THSD7A: variants seen among roughly 807,000 people sequenced by gnomAD.
The protein encoded by THSD7A is thrombospondin type-1 domain-containing protein 7A.
THSD7A carries 96 observed loss-of-function variants against 231.3 expected under a neutral mutation model. The observed-to-expected ratio is 0.41, with a 90% CI of 0.35 to 0.49. THSD7A has a LOEUF of 0.49. Among genes scored for constraint, THSD7A ranks in the 20% least tolerant of loss-of-function variants. The probability of loss-of-function intolerance (pLI) is 0.05; values close to 1 mark genes in which losing one functional copy is unlikely to be tolerated. For synonymous variants in THSD7A, 940 were observed against 743.3 expected, an observed-to-expected ratio of 1.26 and a Z score of -4.30; for missense variants, 2,290 against 2,070.2, an observed-to-expected ratio of 1.11 and a Z score of -2.06.
chr7:11,389,603 G>A (rs559630363), intron 23 of THSD7A, among the ~76,000 whole-genome samples: 4 of 151,622 alleles, frequency 2.6e-5, no homozygotes, highest in Non-Finnish European at 2.9e-5. Context: ...TTTAACTGGG[G>A]GCATTTAGCC....
At chr7:11,757,590 T>C (rs1320734049) in intron 1 of THSD7A, among the ~76,000 whole-genome samples, 4 of 152,042 alleles carry the variant, frequency 2.6e-5, no homozygotes, top group Non-Finnish European at 4.4e-5. Context: ...CTAACTCATA[T>C]TTAATCCTCT....
chr7:11,727,196 T>C (rs1213713445), intron 1 of THSD7A, among the ~76,000 whole-genome samples: 1 of 152,002 alleles, frequency 6.6e-6, no homozygotes, highest in Non-Finnish European at 1.5e-5. Context: ...TATTTGCAAA[T>C]GTTGGGCCTT....
intron 4 of THSD7A, among the ~76,000 whole-genome samples, chr7:11,587,892 A>G (rs73290834): frequency 0.01 from 1,560 of 152,264 alleles, 24 homozygotes; most frequent in African/African-American, 0.036. Context: ...TTTTTGAGTT[A>G]AAGTATTTTG....
At chr7:11,426,236 T>C (rs1457180507) in intron 15 of THSD7A, among the ~76,000 whole-genome samples, 3 of 152,192 alleles carry the variant, frequency 2.0e-5, no homozygotes, top group Non-Finnish European at 4.4e-5. Context: ...ATGCTCTTCT[T>C]CTTAATCCTT....
chr7:11,643,622 C>CAA lies in THSD7A; in HGVS notation c.191-6662_191-6661insTT, dbSNP rs796323788. Among the ~76,000 whole-genome samples, 589 of 151,488 alleles carry CAA rather than the reference C, an allele frequency of 3.9e-3. 3 individuals carry two copies. Among genetic ancestry groups the CAA allele is most frequent in the African/African-American group, 0.013 (549 of 41,264 alleles). On this transcript the variant is annotated intron_variant, in intron 1 of 27. Transcript: ENST00000423059. ...ACGCGCGCACACACACACACACACA[C>CAA]AGATTGAACCTTCTATACTGTTATT...
intron 1 of THSD7A, among the ~76,000 whole-genome samples, chr7:11,686,370 A>G (rs1288328491): frequency 6.6e-6 from 1 of 151,928 alleles, no homozygotes; most frequent in Non-Finnish European, 1.5e-5. Flanking sequence ...AAATTTTAAC[A>G]TAAAATAATG....
At chr7:11,654,908 T>C (rs551410409) in intron 1 of THSD7A, among the ~76,000 whole-genome samples, 2 of 152,054 alleles carry the variant, frequency 1.3e-5, no homozygotes, top group East Asian at 1.9e-4. Flanking sequence ...AGGCAAATGT[T>C]CGATAAGGAA....
chr7:11,695,110 G>A (rs1045715365), intron 1 of THSD7A, among the ~76,000 whole-genome samples: 1 of 151,472 alleles, frequency 6.6e-6, no homozygotes, highest in African/African-American at 2.4e-5. Flanking sequence ...GGTAACATTT[G>A]AATGAAATGA....
chr7:11,443,981 T>C (rs1359988366), intron 13 of THSD7A, among the ~76,000 whole-genome samples: 4 of 151,986 alleles, frequency 2.6e-5, no homozygotes, highest in Non-Finnish European at 5.9e-5. Context: ...CATCCAAAAG[T>C]GGGCAAAGGA....
intron 1 of THSD7A, among the ~76,000 whole-genome samples, chr7:11,695,743 C>G (rs1780373444): frequency 6.6e-6 from 1 of 151,488 alleles, no homozygotes; most frequent in East Asian, 2.0e-4. Context: ...TAGGTGGAAA[C>G]AGATTCTGAA....
Position 11,407,312 on chromosome 7 carries a change from G to C in THSD7A, c.3910C>G (p.Leu1304Val). 6.2e-7 allele frequency: 1 copy of C among 1,611,002 alleles called. No homozygotes were observed. The highest frequency in any genetic ancestry group is 1.3e-5 in the African/African-American group (1 of 74,996). ...PWSECSQTCGLTGKMIRRRTV... is the reference protein window; with the variant it reads ...PWSECSQTCGVTGKMIRRRTV... ...AGTTATGGTACAAACAAACCTGTGA[G>C]GCCACATGTTTGAGAACATTCTGAC... Residue 1304 changes from leucine to valine, a missense_variant, in exon 20 of 28, where the codon CTC becomes GTC. Physicochemically the swap from Leu to Val is conservative, Grantham distance 32. Transcript: ENST00000423059.
chr7:11,385,327 A>G (rs1414929946), intron 23 of THSD7A: 2 of 152,068 alleles, frequency 1.3e-5, no homozygotes, highest in African/African-American at 2.4e-5. Context: ...TAGGTTGAAA[A>G]TAAGTGGCAA....
chr7:11,661,465 G>A (rs1468288166), intron 1 of THSD7A, among the ~76,000 whole-genome samples: 1 of 151,100 alleles, frequency 6.6e-6, no homozygotes, highest in Non-Finnish European at 1.5e-5. Context: ...GAGAATTTAA[G>A]CAGAGAAGAG....
At chr7:11,700,125 C>T (rs1024532100) in intron 1 of THSD7A, among the ~76,000 whole-genome samples, 12 of 151,252 alleles carry the variant, frequency 7.9e-5, no homozygotes, top group South Asian at 4.2e-4. Context: ...TCTCTAAAAA[C>T]GACAAAGCAT....
At chr7:11,789,540 G>T (rs988167925) in intron 1 of THSD7A, among the ~76,000 whole-genome samples, 3 of 147,724 alleles carry the variant, frequency 2.0e-5, no homozygotes, top group African/African-American at 7.4e-5. Flanking sequence ...GGTTGAATAT[G>T]TTTTTGCCCA....
chr7:11,453,940 A>C (rs1211038797), intron 11 of THSD7A, among the ~76,000 whole-genome samples: 1 of 151,996 alleles, frequency 6.6e-6, no homozygotes, highest in Admixed American at 6.6e-5. Flanking sequence ...GCTAGGTTTC[A>C]ATTACATAGC....
At chr7:11,435,590 C>G (rs753309180) in intron 13 of THSD7A, among the ~76,000 whole-genome samples, 3 of 152,058 alleles carry the variant, frequency 2.0e-5, no homozygotes, top group Non-Finnish European at 4.4e-5. Context: ...AAATGCACAT[C>G]AGTGTGCTAA....
chr7:11,528,853 T>G (rs181410451), intron 6 of THSD7A, among the ~76,000 whole-genome samples: 38 of 152,246 alleles, frequency 2.5e-4, no homozygotes, highest in African/African-American at 8.7e-4. Context: ...ACTTTTTTTT[T>G]GAAGATATAT....
At chr7:11,769,153 A>ATATTTTTTTTTT in intron 1 of THSD7A, among the ~76,000 whole-genome samples, 10 of 27,642 alleles carry the variant, frequency 3.6e-4, no homozygotes, top group Admixed American at 6.0e-4. Context: ...ATATATATAT[A>ATATTTTTTTTTT]TTTTTTTTTT....
Sources: gnomAD v4.1 joint callset for allele counts (sites outside exome capture counted in the v4.1 genomes callset) on GRCh38, gnomAD v4.1.1 for gene constraint, MANE v1.5 for transcripts, NCBI Gene and HGNC (gene_info 2026-07-23, HGNC 2026-07-21) for gene names.